The following ART3 variants were observed in gnomAD, a reference collection of about 807,000 sequenced individuals.
ART3 encodes ADP-ribosyltransferase 3 (inactive).
ART3 carries 49 observed loss-of-function variants against 48.5 expected under a neutral mutation model. The ratio of observed to expected loss-of-function variants is 1.01; its 90% CI spans 0.80 to 1.28. The LOEUF is 1.28. Among genes scored for constraint, ART3 ranks in the 50% most tolerant of loss-of-function variants. The pLI is 0.00. For synonymous variants in ART3, 145 were observed against 157.2 expected (o/e 0.92, Z 0.58); for missense variants, 438 against 454.3 (o/e 0.96, Z 0.33).
At chr4:76,069,831 A>AT (rs1204578697), upstream of ART3, among the ~76,000 whole-genome samples, 3 of 150,838 alleles carry the variant, frequency 2.0e-5, no homozygotes, top group African/African-American at 7.3e-5. Context: ...TTATATTTAT[A>AT]TTATATTATA....
At chr4:76,045,228 G>T (rs189371862) in intron 1 of ART3, among the ~76,000 whole-genome samples, 3 of 151,950 alleles carry the variant, frequency 2.0e-5, no homozygotes, top group African/African-American at 7.2e-5. Context: ...CATCTCGGGC[G>T]GCATAAGTCT....
chr4:76,032,484 G>T (rs1168447048), intron 1 of ART3, among the ~76,000 whole-genome samples: 1 of 151,720 alleles, frequency 6.6e-6, no homozygotes, highest in Non-Finnish European at 1.5e-5. Flanking sequence ...TCAGATTATA[G>T]GTGTGAGCCA....
chr4:76,069,055 A>C (rs1421846370), intron 1 of ART3, among the ~76,000 whole-genome samples: 1 of 152,240 alleles, frequency 6.6e-6, no homozygotes, highest in Non-Finnish European at 1.5e-5. Context: ...TCATAGTGTT[A>C]TGCTAAGAAG....
chr4:76,030,595 T>C (rs1490310582), intron 1 of ART3, among the ~76,000 whole-genome samples: 2 of 152,192 alleles, frequency 1.3e-5, no homozygotes, highest in African/African-American at 4.8e-5. Flanking sequence ...CCAGAACATT[T>C]TCATCACCCA....
At chr4:76,085,292 T>C (rs561766738) in intron 3 of ART3, among the ~76,000 whole-genome samples, 4 of 152,198 alleles carry the variant, frequency 2.6e-5, no homozygotes, top group Non-Finnish European at 5.9e-5. Flanking sequence ...CTTGACTAAA[T>C]GTAGCCAAGG....
At chr4:76,048,751 G>T (rs1382166759) in intron 1 of ART3, among the ~76,000 whole-genome samples, 1 of 151,912 alleles carries the variant, frequency 6.6e-6, no homozygotes, top group South Asian at 2.1e-4. Flanking sequence ...ATGCATTCTC[G>T]AAAACCTGCA....
chr4:76,100,804 A>G lies in ART3; in HGVS notation c.887A>G (p.Asn296Ser). Residue 296 changes from asparagine (N) to serine (S), a missense_variant, in exon 7 of 12, where the codon AAC becomes AGC. This residue lies in a region of ART3 where 227 missense variants were observed against 229.6 expected (regional missense o/e 0.99). Coordinates refer to ENST00000355810, the MANE Select transcript of ART3 (RefSeq NM_001130016.3). Reference protein sequence around the residue: ...NQKLEDHSEKNWKLEDHGEKN... With the variant: ...NQKLEDHSEKSWKLEDHGEKN... ...TCTTTTTGTGACTCAGGTGAGAAAA[A>G]CTGGAAGCTTGAAGACCATGGTAAG... 2 of 1,612,372 alleles carry G rather than the reference A, an allele frequency of 1.2e-6. No individual in the cohort carries two copies. The highest frequency in any genetic ancestry group is 1.7e-6 in the Non-Finnish European group (2 of 1,179,726).
chr4:76,090,260 G>A (rs7675618), intron 3 of ART3, among the ~76,000 whole-genome samples: 17,252 of 152,152 alleles, frequency 0.11, 1,242 homozygotes, highest in East Asian at 0.34. Context: ...TGGAGCTTTC[G>A]AGAGTTCGTC....
At chr4:76,035,133 A>T in intron 1 of ART3, 3 of 1,553,584 alleles carry the variant, frequency 1.9e-6, no homozygotes, top group Non-Finnish European at 2.6e-6. Flanking sequence ...TTAAAAGAAC[A>T]TACAAGAGTC....
chr4:76,078,328 A>T (rs1721595239), intron 2 of ART3, among the ~76,000 whole-genome samples: 1 of 152,088 alleles, frequency 6.6e-6, no homozygotes, highest in Non-Finnish European at 1.5e-5. Flanking sequence ...AACATAGTAG[A>T]TCAACTCTGA....
chr4:76,023,386 G>A (rs752756202), intron 1 of ART3: 26 of 1,613,386 alleles, frequency 1.6e-5, no homozygotes, highest in East Asian at 8.9e-5. Flanking sequence ...ATGCCACTTA[G>A]AGTCAGAAAG....
intron 4 of ART3, 110 bp downstream of exon 4, chr4:76,097,786 T>G (rs1726346492): frequency 1.1e-6 from 1 of 888,454 alleles, no homozygotes. Flanking sequence ...TCAAACATCA[T>G]TTTCTCAAGG....
chr4:76,093,828 A>G (rs1725438739), intron 3 of ART3, among the ~76,000 whole-genome samples: 1 of 151,960 alleles, frequency 6.6e-6, no homozygotes, highest in Admixed American at 6.6e-5. Flanking sequence ...GTCTTTTTAT[A>G]TTTTCCACGT....
chr4:76,043,888 G>A (rs1011860613), intron 1 of ART3, among the ~76,000 whole-genome samples: 1 of 152,008 alleles, frequency 6.6e-6, no homozygotes, highest in Non-Finnish European at 1.5e-5. Flanking sequence ...CTGCTGTTGG[G>A]AATTTGGCCG....
At chr4:76,045,488 A>G (rs10033061) in intron 1 of ART3, among the ~76,000 whole-genome samples, 93,550 of 151,750 alleles carry the variant, frequency 0.62, 30,198 homozygotes, top group East Asian at 0.94. Context: ...ACGCTAAGAC[A>G]GCCGCTGCTG....
intron 3 of ART3, among the ~76,000 whole-genome samples, chr4:76,091,872 A>G (rs1009344244): frequency 4.9e-4 from 75 of 152,070 alleles, no homozygotes; most frequent in Middle Eastern, 6.8e-3. Flanking sequence ...TAGTAGAGAC[A>G]GGGTTTCACC....
chr4:76,097,631 C>CT lies in ART3; in HGVS notation c.782-10dup. On this transcript the variant is annotated splice_polypyrimidine_tract_variant and intron_variant, in intron 3 of 11. Coordinates refer to ENST00000355810, the MANE Select transcript of ART3 (RefSeq NM_001130016.3). ...TTATGTCTAACTAATAAAGCTTTAT[C>CT]TTTGTGTTTCAGGACTAAAAACCGA... 1 of 1,601,420 alleles carries CT rather than the reference C, an allele frequency of 6.2e-7. No individual in the cohort carries two copies.
chr4:76,097,584 T>C (rs2149655287), intron 3 of ART3, 60 bp from the exon 4 acceptor site: 1 of 1,384,572 alleles, frequency 7.2e-7, no homozygotes. Context: ...CATAGATTAA[T>C]TGAAATATTT....
chr4:76,015,471 A>G (rs1285065153), intron 1 of ART3, among the ~76,000 whole-genome samples: 1 of 152,234 alleles, frequency 6.6e-6, no homozygotes, highest in Non-Finnish European at 1.5e-5. Context: ...AAATTCAACT[A>G]CTTACCAAAA....
Sources: allele counts gnomAD v4.1 joint callset (sites outside exome capture counted in the v4.1 genomes callset), GRCh38; gene constraint gnomAD v4.1.1; regional missense constraint gnomAD v4.1.1; transcripts MANE v1.5; gene names NCBI Gene and HGNC (gene_info 2026-07-23, HGNC 2026-07-21).